Variants in COBL observed in about 807,000 individuals in gnomAD.
COBL encodes protein cordon-bleu.
COBL carries 51 observed loss-of-function variants against 98.8 expected under a neutral mutation model. The ratio of observed to expected loss-of-function variants is 0.52; its 90% CI spans 0.41 to 0.65. COBL has a LOEUF of 0.65. Ranked by LOEUF, COBL falls within the 30% of genes least tolerant of loss-of-function variation. The probability of loss-of-function intolerance (pLI) is 0.00; values close to 1 mark genes in which losing one functional copy is unlikely to be tolerated. For synonymous variants in COBL, 634 were observed against 651.7 expected (o/e 0.97, Z 0.41); for missense variants, 1,617 against 1,617.5 (o/e 1.00, Z 0.01).
At chr7:51,068,443 CAATT>C (rs1461767375) in intron 7 of COBL, among the ~76,000 whole-genome samples, 3 of 152,140 alleles carry the variant, frequency 2.0e-5, no homozygotes, top group African/African-American at 7.2e-5. Flanking sequence ...TTTTACTTCT[CAATT>C]AATTTAGGAT....
intron 1 of COBL, among the ~76,000 whole-genome samples, chr7:51,261,784 A>G (rs1584339614): frequency 6.6e-6 from 1 of 152,202 alleles, no homozygotes; most frequent in Non-Finnish European, 1.5e-5. Context: ...CTTGACCAAC[A>G]TCGTGAAACC....
chr7:51,272,311 A>G (rs1174728201), intron 1 of COBL, among the ~76,000 whole-genome samples: 1 of 152,060 alleles, frequency 6.6e-6, no homozygotes, highest in African/African-American at 2.4e-5. Context: ...CATTTTGCAG[A>G]TTATAACATT....
intron 5 of COBL, among the ~76,000 whole-genome samples, chr7:51,171,643 G>A (rs1787885721): frequency 6.7e-6 from 1 of 149,526 alleles, no homozygotes; most frequent in Non-Finnish European, 1.5e-5. Context: ...TATTTATACT[G>A]TTTTGATTTA....
rs1220016247 is a variant in COBL at position 51,018,906 on chromosome 7, ATATAT to A, written c.3769-1343_3769-1339del. Among the ~76,000 whole-genome samples, 47 of 33,788 alleles carry A rather than the reference ATATAT, an allele frequency of 1.4e-3. 6 individuals are homozygous for A. The highest frequency in any genetic ancestry group is 2.4e-3 in the African/African-American group (28 of 11,782). 22.2% of individuals were successfully genotyped at this position (33,788 alleles called of 152,430 possible). A position where few individuals can be genotyped will look rare whatever the true frequency, so the allele number is the denominator to read the frequency against. On this transcript the variant is annotated intron_variant, in intron 12 of 12. Transcript: ENST00000265136. ...AACTCCATCTCAAAAAAAAAAAAAAATATATATATATATATATATATATATATATA... is the reference window on the plus strand; with the variant it reads ...AACTCCATCTCAAAAAAAAAAAAAAAATATATATATATATATATATATATA...
chr7:51,034,563 C>T (rs1330612435), intron 8 of COBL: 5 of 152,204 alleles, frequency 3.3e-5, no homozygotes, highest in Admixed American at 3.3e-4. Context: ...TTACTAACTC[C>T]CATCTACTTC....
At chr7:51,181,491 T>C (rs898614165) in intron 5 of COBL, among the ~76,000 whole-genome samples, 1 of 152,222 alleles carries the variant, frequency 6.6e-6, no homozygotes, top group African/African-American at 2.4e-5. Context: ...CAGCGTTATT[T>C]CTGTAAACTA....
At chr7:51,217,068 T>C (rs1055900376) in intron 2 of COBL, among the ~76,000 whole-genome samples, 5 of 152,232 alleles carry the variant, frequency 3.3e-5, no homozygotes, top group Non-Finnish European at 5.9e-5. Flanking sequence ...CAGGAAACCA[T>C]GAGAAGGGAT....
At chr7:51,040,964 G>A (rs1355855619) in intron 8 of COBL, among the ~76,000 whole-genome samples, 1 of 152,250 alleles carries the variant, frequency 6.6e-6, no homozygotes, top group Non-Finnish European at 1.5e-5. Context: ...TGTCTGATTA[G>A]TTTCAGATGT....
At chr7:51,131,026 A>C (rs532389890) in intron 6 of COBL, among the ~76,000 whole-genome samples, 1 of 152,342 alleles carries the variant, frequency 6.6e-6, no homozygotes, top group South Asian at 2.1e-4. Flanking sequence ...AATTTTTCAT[A>C]GAAAAGTCTA....
chr7:51,121,008 C>T (rs908238105), intron 6 of COBL, among the ~76,000 whole-genome samples: 14 of 152,112 alleles, frequency 9.2e-5, no homozygotes, highest in African/African-American at 3.4e-4. Flanking sequence ...TGAGGCCCTG[C>T]TTTCAATTAT....
intron 7 of COBL, chr7:51,083,049 G>A (rs1793824772): frequency 1.3e-6 from 2 of 1,536,100 alleles, no homozygotes; most frequent in African/African-American, 1.4e-5. Flanking sequence ...TGAAGCAAGA[G>A]GAACATACGT....
At chr7:51,207,670 G>A (rs537220651) in intron 2 of COBL, among the ~76,000 whole-genome samples, 1 of 152,386 alleles carries the variant, frequency 6.6e-6, no homozygotes, top group African/African-American at 2.4e-5. Flanking sequence ...AACCGCGAGT[G>A]ATCCGCCAGC....
chr7:51,038,297 G>A (rs988661636), intron 8 of COBL, among the ~76,000 whole-genome samples: 4 of 152,182 alleles, frequency 2.6e-5, no homozygotes, highest in Admixed American at 1.3e-4. Flanking sequence ...CAGCAGCAGC[G>A]AGGCCAGTCG....
At chr7:51,095,353 G>T (rs1279721111) in intron 6 of COBL, among the ~76,000 whole-genome samples, 1 of 152,126 alleles carries the variant, frequency 6.6e-6, no homozygotes, top group Non-Finnish European at 1.5e-5. Context: ...TGAGAACTAT[G>T]GGAGCTAAAA....
chr7:51,210,234 AGGGT>A (rs1485558859), intron 2 of COBL, among the ~76,000 whole-genome samples: 1 of 152,098 alleles, frequency 6.6e-6, no homozygotes, highest in African/African-American at 2.4e-5. Context: ...TCAGCAGTCG[AGGGT>A]GGGAGTAGAT....
intron 6 of COBL, among the ~76,000 whole-genome samples, chr7:51,109,802 C>T (rs116236681): frequency 0.011 from 1,673 of 152,288 alleles, 32 homozygotes; most frequent in African/African-American, 0.039. Context: ...AAAGAAACCA[C>T]TGCATCATGT....
intron 7 of COBL, among the ~76,000 whole-genome samples, chr7:51,078,496 T>C (rs1056992924): frequency 3.9e-5 from 6 of 152,198 alleles, no homozygotes; most frequent in Non-Finnish European, 7.3e-5. Context: ...GGATTCCTGT[T>C]CCATGAGATA....
chr7:51,123,601 C>T (rs1270448718), intron 6 of COBL, among the ~76,000 whole-genome samples: 1 of 152,176 alleles, frequency 6.6e-6, no homozygotes, highest in African/African-American at 2.4e-5. Flanking sequence ...GTGAAAAATT[C>T]AAGGAGGCTG....
rs778380260 is a variant in COBL at position 51,026,633 on chromosome 7, C to T, written c.3417G>A (p.Ala1139=). 19 of 1,613,964 alleles carry T rather than the reference C, an allele frequency of 1.2e-5. No individual in the cohort carries two copies. Among genetic ancestry groups the T allele is most frequent in the Non-Finnish European group, 1.5e-5 (18 of 1,180,022 alleles). Residue 1139 remains alanine, a synonymous_variant, in exon 11 of 13, where the codon GCG becomes GCA. Coordinates refer to ENST00000265136, the MANE Select transcript of COBL (RefSeq NM_015198.5). ...CCTCTGCCTCCGTGTAGGACAGTTTCGCTGGCCTGCCCTCCCCGGTGTGTT... is the reference window on the plus strand; with the variant it reads ...CCTCTGCCTCCGTGTAGGACAGTTTTGCTGGCCTGCCCTCCCCGGTGTGTT... The part of the protein sequence containing the change: ...TAEHTGEGRP[A]KLSYTEAEGE...
Sources: gnomAD v4.1 joint callset for allele counts (sites outside exome capture counted in the v4.1 genomes callset) on GRCh38, gnomAD v4.1.1 for gene constraint, MANE v1.5 for transcripts, NCBI Gene and HGNC (gene_info 2026-07-23, HGNC 2026-07-21) for gene names.